Variants in STXBP5L observed in about 807,000 individuals in gnomAD.
STXBP5L encodes syntaxin-binding protein 5-like.
In STXBP5L, 65 loss-of-function variants were observed where a neutral mutation model predicts 144.5. The observed-to-expected ratio is 0.45, with a 90% CI of 0.37 to 0.55. STXBP5L has a LOEUF of 0.55. STXBP5L is among the 20% of genes least tolerant of loss of function. The pLI is 0.00. For missense variants in STXBP5L, 1,298 were observed against 1,405.5 expected (o/e 0.92, Z 1.22); for synonymous variants, 505 against 469.6 (o/e 1.08, Z -0.97).
intron 22 of STXBP5L, among the ~76,000 whole-genome samples, chr3:121,400,284 A>C (rs1221623021): frequency 1.3e-5 from 2 of 151,970 alleles, no homozygotes; most frequent in South Asian, 2.1e-4. Flanking sequence ...TTCACTTTCC[A>C]CTGCTTTTGG....
chr3:121,347,492 A>G (rs550386686), intron 20 of STXBP5L, among the ~76,000 whole-genome samples: 14 of 152,308 alleles, frequency 9.2e-5, no homozygotes, highest in Non-Finnish European at 1.8e-4. Flanking sequence ...AATTCTGTGA[A>G]GAAAGTCATT....
rs552939427 is a variant in STXBP5L, at chr3:121,097,588, C to A, written c.471-17337C>A. Among the ~76,000 whole-genome samples, 3 of 152,274 alleles carry A rather than the reference C, an allele frequency of 2.0e-5. No homozygotes were observed. In the East Asian group the frequency reaches 5.8e-4, roughly 29 times the overall value. On this transcript the variant is annotated intron_variant, in intron 5 of 26. Coordinates refer to ENST00000471454, the MANE Select transcript of STXBP5L (RefSeq NM_001308330.2). ...GGAGAAAATTTCCCGACTTCTTGCA[C>A]TTCCTGGGTGAGGCGATGCCCCACC...
At chr3:120,974,957 A>G (rs1465289726) in intron 3 of STXBP5L, among the ~76,000 whole-genome samples, 1 of 152,162 alleles carries the variant, frequency 6.6e-6, no homozygotes, top group Non-Finnish European at 1.5e-5. Flanking sequence ...CTTGTAGTAT[A>G]GTTTGAAGTC....
intron 20 of STXBP5L, among the ~76,000 whole-genome samples, chr3:121,360,503 A>G (rs563143448): frequency 6.6e-5 from 10 of 151,938 alleles, no homozygotes; most frequent in Admixed American, 2.0e-4. Context: ...CCTCAAGTGA[A>G]CATGATATTT....
intron 22 of STXBP5L, among the ~76,000 whole-genome samples, chr3:121,403,471 C>T (rs976499426): frequency 6.6e-6 from 1 of 151,986 alleles, no homozygotes; most frequent in African/African-American, 2.4e-5. Context: ...CCTTTGTTTC[C>T]TTTATAATAA....
intron 5 of STXBP5L, among the ~76,000 whole-genome samples, chr3:121,089,797 A>T (rs2042689182): frequency 6.6e-6 from 1 of 151,968 alleles, no homozygotes; most frequent in Non-Finnish European, 1.5e-5. Context: ...CAGATTGGTG[A>T]ATAAATATTA....
At position 121,102,844 on chromosome 3, in the gene STXBP5L, T is replaced by C. The variant is rs181716173; in HGVS notation, c.471-12081T>C. 1.1e-4 allele frequency among the ~76,000 whole-genome samples: 16 copies of C among 151,992 alleles called. 1 individual carries two copies. In the East Asian group the frequency reaches 2.5e-3, roughly 24 times the overall value. ...ATCCAGGATCTATAAGGTACTTAGA[T>C]AATTCAACAAGCAAGAAACACATAA... On this transcript the variant is annotated intron_variant, in intron 5 of 26. Coordinates refer to ENST00000471454, the MANE Select transcript of STXBP5L (RefSeq NM_001308330.2).
intron 22 of STXBP5L, among the ~76,000 whole-genome samples, chr3:121,388,928 T>C (rs1202828195): frequency 6.6e-6 from 1 of 152,194 alleles, no homozygotes; most frequent in African/African-American, 2.4e-5. Context: ...GAGGATTCCC[T>C]CTTTTTCTAT....
intron 3 of STXBP5L, among the ~76,000 whole-genome samples, chr3:121,007,904 C>A (rs180689307): frequency 6.6e-6 from 1 of 151,918 alleles, no homozygotes; most frequent in African/African-American, 2.4e-5. Flanking sequence ...CTAATACTTA[C>A]AGGTGTTATT....
Position 121,424,082 on chromosome 3 carries a change from A to G in STXBP5L, c.*4985A>G, listed in dbSNP as rs918636353. The G allele has an allele frequency of 3.9e-5, 6 of 152,334 alleles. No individual in the cohort carries two copies. Among genetic ancestry groups the G allele is most frequent in the Admixed American group, 1.3e-4 (2 of 15,302 alleles). 9.4% of individuals were successfully genotyped at this position (152,334 alleles called of 1,614,324 possible). On this transcript the variant is annotated 3_prime_UTR_variant, in exon 27 of 27. Coordinates refer to ENST00000471454, the MANE Select transcript of STXBP5L (RefSeq NM_001308330.2). ...TAATTCTTCATATTTAGACAGTGGA[A>G]ATTCTCAAAACAATCATTTGCTAAA...
rs140423338 is a variant in STXBP5L at position 120,915,143 on chromosome 3, G to A, written c.189+5376G>A. ...AATGTTCTTAAAAACAAACAGTGCC[G>A]TCATACTTTTTGTATTTCTCATACA... is the stretch of plus-strand genomic sequence containing the variant. On this transcript the variant is annotated intron_variant, in intron 2 of 26. Transcript: ENST00000471454. Among the ~76,000 whole-genome samples the A allele has an allele frequency of 3.1e-3, 469 of 152,144 alleles. 2 individuals are homozygous for A. The highest frequency in any genetic ancestry group is 0.01 in the Middle Eastern group (3 of 294).
At chr3:121,204,976 T>A (rs2048282604) in intron 9 of STXBP5L, among the ~76,000 whole-genome samples, 1 of 152,184 alleles carries the variant, frequency 6.6e-6, no homozygotes, top group African/African-American at 2.4e-5. Context: ...AAATGATTTT[T>A]AAAAATCATG....
intron 3 of STXBP5L, among the ~76,000 whole-genome samples, chr3:121,010,567 G>C (rs576691372): frequency 7.3e-5 from 11 of 151,516 alleles, no homozygotes; most frequent in Admixed American, 3.3e-4. Context: ...GAACAACACG[G>C]GGGTTAGGGG....
intron 3 of STXBP5L, among the ~76,000 whole-genome samples, chr3:120,963,727 A>C (rs1939176400): frequency 6.6e-6 from 1 of 152,164 alleles, no homozygotes; most frequent in Non-Finnish European, 1.5e-5. Context: ...AGTGGTCTAA[A>C]ATTCTCTTTT....
chr3:121,198,785 A>C (rs1023996127), intron 9 of STXBP5L, among the ~76,000 whole-genome samples: 1 of 152,146 alleles, frequency 6.6e-6, no homozygotes, highest in African/African-American at 2.4e-5. Context: ...GTTGAAGATC[A>C]GATGGTTGTA....
chr3:121,331,303 A>G (rs1184466761), intron 20 of STXBP5L, among the ~76,000 whole-genome samples: 2 of 152,030 alleles, frequency 1.3e-5, no homozygotes, highest in African/African-American at 4.8e-5. Flanking sequence ...TGAGATGGAA[A>G]CTTCTCCCCC....
At chr3:121,162,528 A>C (rs1559810893) in intron 9 of STXBP5L, among the ~76,000 whole-genome samples, 1 of 152,228 alleles carries the variant, frequency 6.6e-6, no homozygotes, top group East Asian at 1.9e-4. Context: ...TTCATGACTA[A>C]AACAACAAAA....
chr3:121,370,613 C>G (rs2108659222), intron 20 of STXBP5L, among the ~76,000 whole-genome samples: 1 of 152,300 alleles, frequency 6.6e-6, no homozygotes, highest in Non-Finnish European at 1.5e-5. Context: ...TATGTTGCTT[C>G]CATTCTCTCC....
rs73855319 is a variant in STXBP5L at position 121,074,654 on chromosome 3, A to T, written c.470+29119A>T. 7.8e-3 allele frequency among the ~76,000 whole-genome samples: 1,194 copies of T among 152,186 alleles called. 11 individuals carry two copies. Among genetic ancestry groups the T allele is most frequent in the African/African-American group, 0.028 (1,151 of 41,526 alleles). On this transcript the variant is annotated intron_variant, in intron 5 of 26. Coordinates refer to ENST00000471454, the MANE Select transcript of STXBP5L (RefSeq NM_001308330.2). Reference sequence around the variant, plus strand: ...CATTGCCTCATTTTCCCGCTGGCAAAATGCATCTTTATAAATTTTGCATCT... The same window carrying T: ...CATTGCCTCATTTTCCCGCTGGCAATATGCATCTTTATAAATTTTGCATCT...
Sources: allele counts gnomAD v4.1 joint callset (sites outside exome capture counted in the v4.1 genomes callset), GRCh38; gene constraint gnomAD v4.1.1; transcripts MANE v1.5; gene names NCBI Gene and HGNC (gene_info 2026-07-23, HGNC 2026-07-21).